The following ADAMTS9 variants were observed in gnomAD, a reference collection of about 807,000 sequenced individuals.
The protein encoded by ADAMTS9 is A disintegrin and metalloproteinase with thrombospondin motifs 9.
In ADAMTS9, 107 loss-of-function variants were observed where a neutral mutation model predicts 257.1. The ratio of observed to expected loss-of-function variants is 0.42; its 90% CI spans 0.36 to 0.49. ADAMTS9 has a LOEUF of 0.49. ADAMTS9 is among the 20% of genes least tolerant of loss of function. The pLI, the probability that ADAMTS9 is intolerant of heterozygous loss-of-function variation, is 0.03. For synonymous variants in ADAMTS9, 982 were observed against 880.9 expected, an observed-to-expected ratio of 1.11 and a Z score of -2.03; for missense variants, 2,353 against 2,469.1, an observed-to-expected ratio of 0.95 and a Z score of 1.00.
intron 16 of ADAMTS9, among the ~76,000 whole-genome samples, chr3:64,628,255 T>C (rs1216724366): frequency 1.3e-5 from 2 of 152,216 alleles, no homozygotes; most frequent in Non-Finnish European, 2.9e-5. Context: ...AATAAAAGGT[T>C]ATCAGGAGGC....
intron 28 of ADAMTS9, among the ~76,000 whole-genome samples, chr3:64,572,466 G>A (rs944125911): frequency 6.6e-6 from 1 of 152,124 alleles, no homozygotes; most frequent in Non-Finnish European, 1.5e-5. Context: ...TGCTGTCTCT[G>A]GTTTTAGGGA....
At chr3:64,632,912 G>A (rs1228598901) in intron 14 of ADAMTS9, among the ~76,000 whole-genome samples, 1 of 151,900 alleles carries the variant, frequency 6.6e-6, no homozygotes, top group Non-Finnish European at 1.5e-5. Flanking sequence ...TGACTAACGA[G>A]AACGTTGAAA....
In ADAMTS9 at chr3:64,579,420, C is replaced by T. The variant is rs557602105; in HGVS notation, c.4357-10885G>A. Among the ~76,000 whole-genome samples, 11 of 152,268 alleles carry T rather than the reference C, an allele frequency of 7.2e-5. No individual in the cohort carries two copies. The South Asian group carries it at 1.0e-3, about 14-fold the overall frequency. On this transcript the variant is annotated intron_variant, in intron 28 of 39. Coordinates refer to ENST00000498707, the MANE Select transcript of ADAMTS9 (RefSeq NM_182920.2). ...AATCTAATTCTCACCTACTCTTCTA[C>T]GCTATCTCCTATCCTTCTTCCCTAA...
At chr3:64,622,698 T>C (rs1046038447) in intron 16 of ADAMTS9, 112 bp from the exon 17 acceptor site, 94 of 1,174,790 alleles carry the variant, frequency 8.0e-5, no homozygotes, top group Non-Finnish European at 9.1e-5. Flanking sequence ...AATGGGGACT[T>C]TTGAGGCAGA....
chr3:64,639,418 T>G (rs1052955918), intron 12 of ADAMTS9, among the ~76,000 whole-genome samples: 4 of 150,924 alleles, frequency 2.7e-5, no homozygotes, highest in Non-Finnish European at 5.9e-5. Context: ...GGATCTTTGT[T>G]GCACTTTGAA....
At position 64,634,511 on chromosome 3, in the gene ADAMTS9, T is replaced by C. The variant is rs1053424368; in HGVS notation, c.1857-632A>G. Reference sequence around the variant, plus strand: ...GCAGGAAAGAGCATACTGGTTTCATTAGCTTTTGTGTGACGAGTGTATGGC... The same window carrying C: ...GCAGGAAAGAGCATACTGGTTTCATCAGCTTTTGTGTGACGAGTGTATGGC... On this transcript the variant is annotated intron_variant, in intron 12 of 39. Transcript: ENST00000498707. 2.0e-5 allele frequency among the ~76,000 whole-genome samples: 3 copies of C among 152,388 alleles called. No homozygotes were observed. In the South Asian group the frequency reaches 6.2e-4, roughly 32 times the overall value.
intron 31 of ADAMTS9, among the ~76,000 whole-genome samples, chr3:64,548,546 C>T (rs757975055): frequency 1.6e-4 from 25 of 152,178 alleles, no homozygotes; most frequent in Admixed American, 4.6e-4. Context: ...AGGAATGAGA[C>T]TCTTGACCCC....
chr3:64,557,612 G>A (rs544619165), intron 30 of ADAMTS9, among the ~76,000 whole-genome samples: 58 of 152,168 alleles, frequency 3.8e-4, no homozygotes, highest in Non-Finnish European at 6.6e-4. Flanking sequence ...GAAGGCCACC[G>A]TACTAAAAAG....
At chr3:64,617,937 A>G (rs1700005601) in intron 19 of ADAMTS9, among the ~76,000 whole-genome samples, 1 of 152,182 alleles carries the variant, frequency 6.6e-6, no homozygotes, top group Non-Finnish European at 1.5e-5. Flanking sequence ...GGACACAGCT[A>G]CTTGACAATA....
chr3:64,637,985 C>T (rs991287684), intron 12 of ADAMTS9, among the ~76,000 whole-genome samples: 1 of 152,154 alleles, frequency 6.6e-6, no homozygotes, highest in Admixed American at 6.6e-5. Context: ...TTCCTTACAG[C>T]CAAATGAGAA....
At chr3:64,626,039 C>T (rs1307352918) in intron 16 of ADAMTS9, among the ~76,000 whole-genome samples, 2 of 152,180 alleles carry the variant, frequency 1.3e-5, no homozygotes, top group African/African-American at 4.8e-5. Context: ...CTATTTGTAT[C>T]ACCTTGGATA....
At chr3:64,621,578 G>A (rs965646647) in intron 18 of ADAMTS9, among the ~76,000 whole-genome samples, 3 of 151,788 alleles carry the variant, frequency 2.0e-5, no homozygotes, top group Non-Finnish European at 4.4e-5. Context: ...CCTGGCTAAC[G>A]TGGTGAAACC....
intron 28 of ADAMTS9, among the ~76,000 whole-genome samples, chr3:64,578,286 G>T (rs2083906226): frequency 6.9e-6 from 1 of 144,814 alleles, no homozygotes; most frequent in African/African-American, 2.5e-5. Context: ...GCCTTCCTTT[G>T]GTTAAAAAAA....
Position 64,602,064 on chromosome 3 carries a change from G to A in ADAMTS9, c.3897C>T (p.Thr1299=), listed in dbSNP as rs772816025. The A allele has an allele frequency of 5.6e-6, 9 of 1,613,850 alleles. No individual in the cohort carries two copies. The highest frequency in any genetic ancestry group is 5.5e-5 in the South Asian group (5 of 91,056). ...GGTGCTGAGCTAAGCCACTGTCTGGGGTCCTTTGAGGGCATGGTGACATGG... is the reference window on the plus strand; with the variant it reads ...GGTGCTGAGCTAAGCCACTGTCTGGAGTCCTTTGAGGGCATGGTGACATGG... ...DCSMSPCPQR[T]PDSGLAQHPF... is the part of the protein sequence containing the mutation. Residue 1299 remains threonine, a synonymous_variant, in exon 26 of 40, where the codon ACC becomes ACT. Transcript: ENST00000498707.
At chr3:64,525,727 C>G (rs529170770) in intron 38 of ADAMTS9, among the ~76,000 whole-genome samples, 1 of 151,976 alleles carries the variant, frequency 6.6e-6, no homozygotes, top group South Asian at 2.1e-4. Context: ...TCTCCTGACT[C>G]AGCCTCCTGA....
At chr3:64,666,500 C>T (rs1025737984) in intron 3 of ADAMTS9, among the ~76,000 whole-genome samples, 1 of 152,202 alleles carries the variant, frequency 6.6e-6, no homozygotes, top group Non-Finnish European at 1.5e-5. Context: ...GAAGTCTGCA[C>T]AGGAATCATC....
chr3:64,569,967 T>C (rs1429688030), intron 28 of ADAMTS9, among the ~76,000 whole-genome samples: 2 of 152,202 alleles, frequency 1.3e-5, no homozygotes, highest in African/African-American at 4.8e-5. Flanking sequence ...GCGATATAAT[T>C]CTAGAAGGCT....
chr3:64,634,526 G>A (rs891732434), intron 12 of ADAMTS9, among the ~76,000 whole-genome samples: 2 of 152,328 alleles, frequency 1.3e-5, no homozygotes, highest in Non-Finnish European at 2.9e-5. Flanking sequence ...TTTGTGTGAC[G>A]AGTGTATGGC....
intron 11 of ADAMTS9, among the ~76,000 whole-genome samples, chr3:64,643,057 G>A (rs1700694760): frequency 2.6e-5 from 4 of 152,156 alleles, no homozygotes; most frequent in African/African-American, 9.7e-5. Flanking sequence ...TCCTCTTACA[G>A]TATCTGAGGG....
Sources: allele counts gnomAD v4.1 joint callset (sites outside exome capture counted in the v4.1 genomes callset), GRCh38; gene constraint gnomAD v4.1.1; transcripts MANE v1.5; gene names NCBI Gene and HGNC (gene_info 2026-07-23, HGNC 2026-07-21).